The following ERCC6 variants were observed in gnomAD, a reference collection of about 807,000 sequenced individuals.
The protein encoded by ERCC6 is DNA excision repair protein ERCC-6.
A neutral mutation model predicts 158.7 loss-of-function variants in ERCC6; 116 were observed. That is an observed-to-expected ratio of 0.73 (90% CI 0.63 to 0.85). ERCC6 has a LOEUF of 0.85. ERCC6 is among the 40% of genes least tolerant of loss of function. The probability of loss-of-function intolerance (pLI) is 0.00; values close to 1 mark genes in which losing one functional copy is unlikely to be tolerated. For synonymous variants in ERCC6, 678 were observed against 659.3 expected (o/e 1.03, Z -0.43); for missense variants, 1,698 against 1,799.4 (o/e 0.94, Z 1.02).
intron 1 of ERCC6, among the ~76,000 whole-genome samples, chr10:49,536,982 C>T (rs1212418325): frequency 6.6e-6 from 1 of 152,156 alleles, no homozygotes; most frequent in East Asian, 1.9e-4. Context: ...GCCAGAAAAC[C>T]AAGTCTTCTG....
Position 49,471,041 on chromosome 10 carries a change from A to T in ERCC6, c.3004T>A (p.Tyr1002Asn), listed in dbSNP as rs747581337. 12 of 1,613,650 alleles carry T rather than the reference A, an allele frequency of 7.4e-6. No homozygotes were observed. The African/African-American group carries it at 1.6e-4, about 22-fold the overall frequency. The part of the protein sequence containing the change: ...QRRFFKSNDL[Y>N]ELFTLTSPDA... ...GGACTAGTCAGAGTAAATAGCTCAT[A>T]GAGATCATTGGATTTGAAAAACCGC... Residue 1002 changes from tyrosine to asparagine, a missense_variant, in exon 17 of 21, where the codon TAT (tyrosine) becomes AAT (asparagine). By Grantham distance (143) the Tyr-to-Asn change is moderately radical. Coordinates refer to ENST00000355832, the MANE Select transcript of ERCC6 (RefSeq NM_000124.4).
rs746861269 is a variant in ERCC6 at position 49,470,232 on chromosome 10, T to C, written c.3728A>G (p.Lys1243Arg). The stretch of plus-strand genomic sequence containing the variant: ...AACATAATCGTCATTGCTCTGTTCC[T>C]TGGCCTCACTCTTGTTTTCACTGTC... The part of the protein sequence containing the change: ...KQDSENKSEA[K>R]EQSNDDYVLE... The change falls in exon 18 of 21, where the codon AAG becomes AGG. Residue 1243 changes from lysine to arginine, a missense_variant. Physicochemically the swap from Lys to Arg is conservative, Grantham distance 26 (BLOSUM62 2). Coordinates refer to ENST00000355832, the MANE Select transcript of ERCC6 (RefSeq NM_000124.4). The C allele has an allele frequency of 6.2e-7, 1 of 1,614,232 alleles. No individual in the cohort carries two copies. The highest frequency in any genetic ancestry group is 1.1e-5 in the South Asian group (1 of 91,078).
At chr10:49,503,422 T>C (rs113540214) in intron 6 of ERCC6, 77 of 152,242 alleles carry the variant, frequency 5.1e-4, no homozygotes, top group African/African-American at 1.7e-3. Flanking sequence ...CTAGGCAGCA[T>C]GTAAGTCATA....
chr10:49,516,129 G>T, intron 5 of ERCC6: 1 of 1,614,044 alleles, frequency 6.2e-7, no homozygotes, highest in Non-Finnish European at 8.5e-7. Flanking sequence ...GACAAGTGAC[G>T]CACCGACACC....
At chr10:49,522,329 A>T (rs111696205) in intron 5 of ERCC6, among the ~76,000 whole-genome samples, 67 of 152,288 alleles carry the variant, frequency 4.4e-4, no homozygotes, top group African/African-American at 1.5e-3. Context: ...CATCCCCCAA[A>T]CCAAACAGCA....
intron 10 of ERCC6, among the ~76,000 whole-genome samples, chr10:49,479,376 T>C (rs984609481): frequency 6.6e-6 from 1 of 152,312 alleles, no homozygotes; most frequent in African/African-American, 2.4e-5. Flanking sequence ...TAAAGAACGC[T>C]AAAAATACCT....
At position 49,461,428 on chromosome 10, in the gene ERCC6, G is replaced by A. The variant is rs755725628; in HGVS notation, c.3907C>T (p.Arg1303Trp). Reference protein sequence around the residue: ...ALKALRLSRQRCLGAVSGVPT... With the variant: ...ALKALRLSRQWCLGAVSGVPT... Reference sequence around the variant, plus strand: ...ACACCAGACACTGCTCCCAGACACCGCTGACGAGAGAGCCTCAGTGCTTTC... The same window carrying A: ...ACACCAGACACTGCTCCCAGACACCACTGACGAGAGAGCCTCAGTGCTTTC... The change falls in exon 19 of 21, where the codon CGG (arginine) becomes TGG (tryptophan). Residue 1303 changes from arginine (R) to tryptophan (W), a missense_variant. Physicochemically the swap from Arg to Trp is moderately radical, Grantham distance 101 (BLOSUM62 -3). Coordinates refer to ENST00000355832, the MANE Select transcript of ERCC6 (RefSeq NM_000124.4). The A allele has an allele frequency of 1.9e-5, 30 of 1,614,024 alleles. No homozygotes were observed. Among genetic ancestry groups the A allele is most frequent in the African/African-American group, 2.7e-5 (2 of 74,918 alleles).
intron 2 of ERCC6, among the ~76,000 whole-genome samples, chr10:49,531,165 T>A (rs1203670666): frequency 2.0e-5 from 3 of 152,222 alleles, no homozygotes; most frequent in Non-Finnish European, 2.9e-5. Flanking sequence ...CAATAAGTTG[T>A]CCTTTTACAT....
At chr10:49,512,857 T>G (rs1836846419) in intron 5 of ERCC6, among the ~76,000 whole-genome samples, 2 of 152,272 alleles carry the variant, frequency 1.3e-5, no homozygotes, top group African/African-American at 4.8e-5. Context: ...AATTTTCCAC[T>G]TGTGGCATCA....
Position 49,470,838 on chromosome 10 carries a change from T to A in ERCC6, c.3122A>T (p.Gln1041Leu), listed in dbSNP as rs139007661. The change falls in exon 18 of 21, where the codon CAA (glutamine) becomes CTA (leucine). Residue 1041 changes from glutamine to leucine, a missense_variant. Coordinates refer to ENST00000355832, the MANE Select transcript of ERCC6 (RefSeq NM_000124.4). ...ATCATGGTCTGCTCCAAAGGCTGGT[T>A]GAATCCTTCTTTTTAGATGGCATTT... The part of the protein sequence containing the change: ...TPKCHLKRRI[Q>L]PAFGADHDVP... The A allele has an allele frequency of 1.2e-6, 2 of 1,614,154 alleles. No homozygotes were observed. The highest frequency in any genetic ancestry group is 1.7e-6 in the Non-Finnish European group (2 of 1,179,996).
At chr10:49,469,384 A>G (rs1176735045) in intron 18 of ERCC6, among the ~76,000 whole-genome samples, 1 of 152,216 alleles carries the variant, frequency 6.6e-6, no homozygotes, top group Non-Finnish European at 1.5e-5. Flanking sequence ...CAAAAAAAAA[A>G]TGTATGCATA....
rs1246747488 is a variant in ERCC6, at chr10:49,457,484, C to G, written c.*1331G>C. 1 of 152,134 alleles carries G rather than the reference C, an allele frequency of 6.6e-6. No individual in the cohort carries two copies. The highest frequency in any genetic ancestry group is 6.5e-5 in the Admixed American group (1 of 15,280). The allele number at this position is 152,134 out of a possible 1,614,324, so 9.4% of individuals were successfully genotyped here. A position where few individuals can be genotyped will look rare whatever the true frequency, so the allele number is the denominator to read the frequency against. On this transcript the variant is annotated 3_prime_UTR_variant, in exon 21 of 21. Transcript: ENST00000355832. ...TGTCCTCTCATGCAGTCCGGCAAGG[C>G]CCCCCTGCCCAGAACCCTCCTCTCT...
chr10:49,449,096 CA>C, the ERCC6 span, among the ~76,000 whole-genome samples: 2 of 152,216 alleles, frequency 1.3e-5, no homozygotes, highest in South Asian at 4.1e-4. Context: ...TTCTCACCAG[CA>C]GTATCTGTGG....
the ERCC6 span, among the ~76,000 whole-genome samples, chr10:49,436,274 T>A: frequency 0.014 from 2,204 of 152,196 alleles, 45 homozygotes; most frequent in African/African-American, 0.049. Context: ...TTTCCAAATG[T>A]AGAGTAGGAA....
rs1405902533 is a variant in ERCC6 at position 49,520,407 on chromosome 10, A to C, written c.1397+3626T>G. Among the ~76,000 whole-genome samples, 4 of 152,098 alleles carry C rather than the reference A, an allele frequency of 2.6e-5. No individual in the cohort carries two copies. The East Asian group carries it at 5.8e-4, about 22-fold the overall frequency. On this transcript the variant is annotated intron_variant, in intron 5 of 20. Transcript: ENST00000355832. ...GCCGATACATGAAAATAGAGTAAGAACTTGGGGGAATGAGTTTAAGTCAAA... is the reference window on the plus strand; with the variant it reads ...GCCGATACATGAAAATAGAGTAAGACCTTGGGGGAATGAGTTTAAGTCAAA...
chr10:49,496,460 A>G (rs1590431628), intron 7 of ERCC6, among the ~76,000 whole-genome samples: 2 of 152,350 alleles, frequency 1.3e-5, no homozygotes, highest in Admixed American at 6.5e-5. Context: ...TTGGGGAATC[A>G]TAAGTGATTT....
intron 10 of ERCC6, among the ~76,000 whole-genome samples, chr10:49,479,189 T>C (rs938310447): frequency 6.6e-6 from 1 of 151,722 alleles, no homozygotes; most frequent in Admixed American, 6.6e-5. Context: ...AAATTATTGC[T>C]ACTTCAAAAA....
At chr10:49,494,215 C>G (rs569181660) in intron 7 of ERCC6, among the ~76,000 whole-genome samples, 15 of 152,232 alleles carry the variant, frequency 9.9e-5, no homozygotes, top group South Asian at 2.1e-4. Context: ...CATTTAACCT[C>G]TGGGAACGTC....
chr10:49,506,077 T>G, intron 5 of ERCC6, 65 bp from the exon 6 acceptor site: 1 of 1,592,348 alleles, frequency 6.3e-7, no homozygotes, highest in Non-Finnish European at 8.6e-7. Context: ...AAAAGATAGC[T>G]CCTGATAATG....
Sources: allele counts gnomAD v4.1 joint callset (sites outside exome capture counted in the v4.1 genomes callset), GRCh38; gene constraint gnomAD v4.1.1; transcripts MANE v1.5; gene names NCBI Gene and HGNC (gene_info 2026-07-23, HGNC 2026-07-21).